ATOSA: variants seen among roughly 807,000 people sequenced by gnomAD.
ATOSA encodes atos homolog protein A.
chr15:52,657,672 T>A, the ATOSA span: 1 of 152,152 alleles, frequency 6.6e-6, no homozygotes, highest in Non-Finnish European at 1.5e-5. Context: ...TAAAATGGTG[T>A]AAAATACTAT....
chr15:52,664,445 A>T, the ATOSA span, among the ~76,000 whole-genome samples: 2 of 152,148 alleles, frequency 1.3e-5, no homozygotes, highest in Non-Finnish European at 2.9e-5. Flanking sequence ...ATTTCTTTCA[A>T]TCCTCGCAGA....
At chr15:52,643,170 A>C in the ATOSA span, among the ~76,000 whole-genome samples, 1 of 152,210 alleles carries the variant, frequency 6.6e-6, no homozygotes, top group Non-Finnish European at 1.5e-5. Context: ...GTGGTCAGAA[A>C]GTGATTCATA....
At chr15:52,588,414 A>C in the ATOSA span, among the ~76,000 whole-genome samples, 1 of 152,258 alleles carries the variant, frequency 6.6e-6, no homozygotes, top group East Asian at 1.9e-4. Flanking sequence ...AATGACTATC[A>C]GTGGTAATTG....
At chr15:52,589,479 C>T in the ATOSA span, among the ~76,000 whole-genome samples, 1 of 152,084 alleles carries the variant, frequency 6.6e-6, no homozygotes, top group South Asian at 2.1e-4. Flanking sequence ...CAAGTTTATA[C>T]TTGTTTCCTT....
chr15:52,588,797 G>A, the ATOSA span, among the ~76,000 whole-genome samples: 2 of 152,192 alleles, frequency 1.3e-5, no homozygotes, highest in African/African-American at 4.8e-5. Context: ...ATGCATTTAC[G>A]TTAACTGGGC....
At chr15:52,708,889 C>T in the ATOSA span, among the ~76,000 whole-genome samples, 1 of 152,098 alleles carries the variant, frequency 6.6e-6, no homozygotes, top group Non-Finnish European at 1.5e-5. Context: ...ATCTCTCTTC[C>T]TCACTGGTAG....
chr15:52,635,224 T>C, the ATOSA span, among the ~76,000 whole-genome samples: 1 of 152,168 alleles, frequency 6.6e-6, no homozygotes, highest in Non-Finnish European at 1.5e-5. Flanking sequence ...ATACCCTTTT[T>C]CAATAGTAAT....
At chr15:52,663,160 C>T in the ATOSA span, among the ~76,000 whole-genome samples, 24 of 152,166 alleles carry the variant, frequency 1.6e-4, no homozygotes, top group Admixed American at 5.2e-4. Context: ...TAACTCATTC[C>T]CTCTGATCAG....
chr15:52,703,410 T>C, the ATOSA span, among the ~76,000 whole-genome samples: 1 of 152,074 alleles, frequency 6.6e-6, no homozygotes, highest in Non-Finnish European at 1.5e-5. Flanking sequence ...AATAAGCAAA[T>C]TACAAATTAA....
At chr15:52,611,859 T>A in the ATOSA span, 1 of 1,264,108 alleles carries the variant, frequency 7.9e-7, no homozygotes, top group Non-Finnish European at 1.1e-6. Flanking sequence ...CATTGTAAAG[T>A]AGACATCTGT....
the ATOSA span, chr15:52,601,100 G>A: frequency 6.5e-7 from 1 of 1,535,248 alleles, no homozygotes; most frequent in Middle Eastern, 1.7e-4. Context: ...TAGATGAGAA[G>A]CTTTTCAGAT....
chr15:52,708,822 C>G, the ATOSA span, among the ~76,000 whole-genome samples: 1 of 152,140 alleles, frequency 6.6e-6, no homozygotes, highest in Non-Finnish European at 1.5e-5. Context: ...TACCTCCCTT[C>G]CTCCCTGGTA....
At chr15:52,621,888 C>T in the ATOSA span, among the ~76,000 whole-genome samples, 3 of 149,614 alleles carry the variant, frequency 2.0e-5, no homozygotes, top group African/African-American at 5.0e-5. Flanking sequence ...CTTGTTCTAT[C>T]GCTCAGGCTG....
the ATOSA span, chr15:52,582,127 G>C: frequency 6.5e-7 from 1 of 1,534,750 alleles, no homozygotes; most frequent in Non-Finnish European, 8.7e-7. Flanking sequence ...TGGGTACTGA[G>C]TAAATACTTT....
At chr15:52,619,658 C>A in the ATOSA span, among the ~76,000 whole-genome samples, 1 of 151,788 alleles carries the variant, frequency 6.6e-6, no homozygotes, top group African/African-American at 2.4e-5. Context: ...TATGGTGAAA[C>A]CCTGTCTCTA....
the ATOSA span, among the ~76,000 whole-genome samples, chr15:52,671,552 T>TA: frequency 3.5e-3 from 534 of 152,128 alleles, 1 homozygote; most frequent in African/African-American, 0.011. Flanking sequence ...TCACAAAACT[T>TA]AAAATCTAGC....
At chr15:52,666,687 A>G in the ATOSA span, among the ~76,000 whole-genome samples, 2 of 152,230 alleles carry the variant, frequency 1.3e-5, no homozygotes, top group Non-Finnish European at 2.9e-5. Flanking sequence ...ATTCAACACT[A>G]AACATTTATT....
the ATOSA span, among the ~76,000 whole-genome samples, chr15:52,634,487 T>G: frequency 6.6e-6 from 1 of 151,168 alleles, no homozygotes; most frequent in African/African-American, 2.4e-5. Context: ...AACAATAACC[T>G]TAAATGTGAA....
the ATOSA span, chr15:52,610,502 T>A: frequency 9.2e-7 from 1 of 1,085,420 alleles, no homozygotes; most frequent in South Asian, 1.8e-5. Context: ...TAATTACCAC[T>A]GAGGTTTACT....
Sources: gnomAD v4.1 joint callset for allele counts (sites outside exome capture counted in the v4.1 genomes callset) on GRCh38, gnomAD v4.1.1 for gene constraint, MANE v1.5 for transcripts, NCBI Gene and HGNC (gene_info 2026-07-23, HGNC 2026-07-21) for gene names.